The following RIMBP2 variants were observed in gnomAD, a reference collection of about 807,000 sequenced individuals.
The protein encoded by RIMBP2 is RIMS-binding protein 2.
In RIMBP2, 48 loss-of-function variants were observed where a neutral mutation model predicts 118.6. That is an observed-to-expected ratio of 0.40 (90% confidence interval 0.32 to 0.51). RIMBP2 has a LOEUF of 0.51. Ranked by LOEUF, RIMBP2 falls within the 20% of genes least tolerant of loss-of-function variation. The pLI, the probability that RIMBP2 is intolerant of heterozygous loss-of-function variation, is 0.41. For synonymous variants in RIMBP2, 762 were observed against 742.9 expected (o/e 1.03, Z -0.42); for missense variants, 1,551 against 1,768.3 (o/e 0.88, Z 2.20).
intron 14 of RIMBP2, among the ~76,000 whole-genome samples, chr12:130,433,663 G>A (rs1364262632): frequency 1.3e-5 from 2 of 152,192 alleles, no homozygotes; most frequent in Non-Finnish European, 2.9e-5. Context: ...AGATGTCATA[G>A]AAAGTCTGAC....
At chr12:130,548,448 A>C (rs1268815381) in intron 2 of RIMBP2, among the ~76,000 whole-genome samples, 1 of 152,218 alleles carries the variant, frequency 6.6e-6, no homozygotes, top group Non-Finnish European at 1.5e-5. Flanking sequence ...TCCCCAGCTT[A>C]TCAGGCTACA....
At chr12:130,531,888 T>C (rs1396402265) in intron 2 of RIMBP2, among the ~76,000 whole-genome samples, 16 of 151,344 alleles carry the variant, frequency 1.1e-4, no homozygotes, top group Admixed American at 9.2e-4. Flanking sequence ...TCTAATGAGA[T>C]GCGTATGTTT....
At chr12:130,632,035 A>T (rs2062023058) in intron 1 of RIMBP2, among the ~76,000 whole-genome samples, 1 of 152,264 alleles carries the variant, frequency 6.6e-6, no homozygotes, top group African/African-American at 2.4e-5. Context: ...GTTATCACAT[A>T]AAAACATTTT....
intron 2 of RIMBP2, among the ~76,000 whole-genome samples, chr12:130,563,417 A>G (rs930089671): frequency 6.6e-5 from 10 of 152,234 alleles, no homozygotes; most frequent in Admixed American, 2.6e-4. Flanking sequence ...CTGAAAGTCA[A>G]TGGGGTTGAA....
intron 1 of RIMBP2, among the ~76,000 whole-genome samples, chr12:130,687,045 C>T (rs1026661751): frequency 6.6e-6 from 1 of 152,238 alleles, no homozygotes; most frequent in Non-Finnish European, 1.5e-5. Flanking sequence ...ATTTTCTTTT[C>T]AGCTAATCCT....
intron 2 of RIMBP2, among the ~76,000 whole-genome samples, chr12:130,548,706 T>TG (rs1375944950): frequency 6.6e-6 from 1 of 152,096 alleles, no homozygotes; most frequent in Non-Finnish European, 1.5e-5. Flanking sequence ...CCCAAGTAGC[T>TG]GGGACTACAG....
chr12:130,697,197 C>T (rs1327967508), intron 1 of RIMBP2, among the ~76,000 whole-genome samples: 6 of 152,184 alleles, frequency 3.9e-5, no homozygotes, highest in Non-Finnish European at 8.8e-5. Context: ...GAACTAAGAC[C>T]ACAGAAATAA....
At chr12:130,544,544 C>A (rs1256149186) in intron 2 of RIMBP2, among the ~76,000 whole-genome samples, 3 of 150,792 alleles carry the variant, frequency 2.0e-5, no homozygotes, top group African/African-American at 7.3e-5. Context: ...TATACCATAG[C>A]AGGCAGCAGA....
At chr12:130,699,244 T>C (rs1286812808) in intron 1 of RIMBP2, among the ~76,000 whole-genome samples, 3 of 152,114 alleles carry the variant, frequency 2.0e-5, no homozygotes, top group Non-Finnish European at 4.4e-5. Flanking sequence ...ACCCAAAGGA[T>C]TATAAATCAT....
intron 1 of RIMBP2, among the ~76,000 whole-genome samples, chr12:130,686,657 G>T (rs1318136916): frequency 6.6e-6 from 1 of 152,240 alleles, no homozygotes; most frequent in Admixed American, 6.5e-5. Flanking sequence ...CGGGCCACGC[G>T]CACATGGCCA....
At chr12:130,456,378 G>A (rs1229058889) in intron 7 of RIMBP2, 118 bp downstream of exon 7, 9 of 786,194 alleles carry the variant, frequency 1.1e-5, no homozygotes, top group East Asian at 2.7e-5. Flanking sequence ...TTGCAGTGGC[G>A]GGTCCCTGTA....
rs1566441308 is a variant in RIMBP2, at chr12:130,667,145, AGGGAGG to A, written c.-351-38695_-351-38690del. 3.5e-3 allele frequency: 164 copies of A among 47,226 alleles called. 2 individuals are homozygous for A. Among genetic ancestry groups the A allele is most frequent in the Non-Finnish European group, 9.2e-4 (21 of 22,726 alleles). The allele number at this position is 47,226 out of a possible 1,614,324, so 2.9% of individuals were successfully genotyped here. On this transcript the variant is annotated intron_variant, in intron 1 of 22. Coordinates refer to ENST00000690449, the MANE Select transcript of RIMBP2 (RefSeq NM_001393629.1). ...AGGGAAGGAAGGAGAGAGGGAGGGA[AGGGAGG>A]AAGGGAGGGAAGAAGGGAGGGAGGG... is the stretch of plus-strand genomic sequence containing the variant.
chr12:130,704,592 T>TAAA (rs1045369685), intron 1 of RIMBP2, among the ~76,000 whole-genome samples: 2 of 151,990 alleles, frequency 1.3e-5, no homozygotes, highest in African/African-American at 4.8e-5. Flanking sequence ...ATAATAATAA[T>TAAA]AAACAAAAGT....
rs1274612116 is a variant in RIMBP2 at position 130,617,309 on chromosome 12, C to A, written c.-217+11013G>T. Among the ~76,000 whole-genome samples, 1 of 152,194 alleles carries A rather than the reference C, an allele frequency of 6.6e-6. No individual in the cohort carries two copies. The highest frequency in any genetic ancestry group is 6.5e-5 in the Admixed American group (1 of 15,288). On this transcript the variant is annotated intron_variant, in intron 2 of 22. Transcript: ENST00000690449. This position sits in a 1 kb window ranked among gnomAD's most constrained non-coding sequence, Gnocchi z 4.6. ...GACCAGGCTTAGAACCCAGGTCCAT[C>A]CTCATGCAAATGGCGTCATCCCTGC...
intron 1 of RIMBP2, among the ~76,000 whole-genome samples, chr12:130,652,788 A>C (rs1050182944): frequency 1.3e-5 from 2 of 152,230 alleles, no homozygotes; most frequent in African/African-American, 2.4e-5. Context: ...CACAGAACTT[A>C]CAATTATGGT....
chr12:130,680,263 C>G (rs1010047310), intron 1 of RIMBP2, among the ~76,000 whole-genome samples: 3 of 152,216 alleles, frequency 2.0e-5, no homozygotes, highest in African/African-American at 7.2e-5. Flanking sequence ...ACTTTTCCTA[C>G]AGGGATTCTA....
intron 1 of RIMBP2, among the ~76,000 whole-genome samples, chr12:130,679,130 G>C (rs1594192636): frequency 1.3e-5 from 2 of 152,092 alleles, no homozygotes; most frequent in South Asian, 4.2e-4. Flanking sequence ...AAAAAAGAAG[G>C]GTTATAGAAT....
In RIMBP2 at chr12:130,511,745, C is replaced by A. The variant is rs375847360; in HGVS notation, c.-126-4975G>T. ...AATGACCTTTCATGAAACAGAGCTT[C>A]GTGAGAAAAGCTTCAGCCCCTCTTC... On this transcript the variant is annotated intron_variant, in intron 3 of 22. Coordinates refer to ENST00000690449, the MANE Select transcript of RIMBP2 (RefSeq NM_001393629.1). The surrounding 1 kb of genome is among the most constrained non-coding windows in gnomAD (Gnocchi z 4.3). 5.9e-5 allele frequency among the ~76,000 whole-genome samples: 9 copies of A among 152,228 alleles called. No homozygotes were observed. The highest frequency in any genetic ancestry group is 2.2e-4 in the African/African-American group (9 of 41,554).
At chr12:130,548,691 A>G (rs1352432654) in intron 2 of RIMBP2, among the ~76,000 whole-genome samples, 2 of 152,088 alleles carry the variant, frequency 1.3e-5, no homozygotes, top group African/African-American at 4.8e-5. Flanking sequence ...CTTCTGCCTC[A>G]GCCTCCCAAG....
Sources: allele counts gnomAD v4.1 joint callset (sites outside exome capture counted in the v4.1 genomes callset), GRCh38; gene constraint gnomAD v4.1.1; non-coding constraint Gnocchi (gnomAD v3.1); transcripts MANE v1.5; gene names NCBI Gene and HGNC (gene_info 2026-07-23, HGNC 2026-07-21).